The following SCAF8 variants were observed in gnomAD, a reference collection of about 807,000 sequenced individuals.
SCAF8 encodes SR-related and CTD-associated factor 8.
In SCAF8, 23 loss-of-function variants were observed where a neutral mutation model predicts 140.5. That is an observed-to-expected ratio of 0.16 (90% CI 0.12 to 0.23). The LOEUF is 0.23. Ranked by LOEUF, SCAF8 falls within the 10% of genes least tolerant of loss-of-function variation. The pLI is 1.00. For missense variants in SCAF8, 1,397 were observed against 1,555.7 expected (o/e 0.90, Z 1.72); for synonymous variants, 575 against 528.9 (o/e 1.09, Z -1.20).
intron 1 of SCAF8, among the ~76,000 whole-genome samples, chr6:154,749,754 CCTT>C (rs1022518054): frequency 3.3e-5 from 5 of 152,192 alleles, no homozygotes; most frequent in Admixed American, 3.3e-4. Flanking sequence ...CATAGGACCT[CCTT>C]CTAAATCAAA....
At chr6:154,767,399 A>G (rs1306787044) in intron 1 of SCAF8, among the ~76,000 whole-genome samples, 1 of 151,360 alleles carries the variant, frequency 6.6e-6, no homozygotes. Context: ...TCTCCAGAAT[A>G]AGGTACTTTC....
chr6:154,743,293 A>G (rs1477879875), intron 1 of SCAF8, among the ~76,000 whole-genome samples: 1 of 152,194 alleles, frequency 6.6e-6, no homozygotes, highest in Non-Finnish European at 1.5e-5. Context: ...TTTATACAAA[A>G]TTGTCTGTTA....
chr6:154,733,753 T>C lies in SCAF8; in HGVS notation c.-148T>C. 7.4e-7 allele frequency: 1 copy of C among 1,351,384 alleles called. No homozygotes were observed. Among genetic ancestry groups the C allele is most frequent in the East Asian group, 3.1e-5 (1 of 32,224 alleles). 83.7% of individuals were successfully genotyped at this position (1,351,384 alleles called of 1,614,324 possible). A position where few individuals can be genotyped will look rare whatever the true frequency, so the allele number is the denominator to read the frequency against. On this transcript the variant is annotated 5_prime_UTR_variant, in exon 1 of 20. Coordinates refer to ENST00000367178, the MANE Select transcript of SCAF8 (RefSeq NM_014892.5). Reference sequence around the variant, plus strand: ...GCCCTTCCCCGCCAGCGCGTGCCCTTCCACTCCGCCCCGAGGTCGCAGCGG... The same window carrying C: ...GCCCTTCCCCGCCAGCGCGTGCCCTCCCACTCCGCCCCGAGGTCGCAGCGG...
chr6:154,798,144 A>G (rs181952259), intron 6 of SCAF8, among the ~76,000 whole-genome samples: 2 of 151,590 alleles, frequency 1.3e-5, no homozygotes, highest in African/African-American at 4.8e-5. Context: ...CTGGAAGCCT[A>G]AAGTTTAATA....
At chr6:154,785,364 A>G (rs1468421714) in intron 3 of SCAF8, among the ~76,000 whole-genome samples, 2 of 152,216 alleles carry the variant, frequency 1.3e-5, no homozygotes, top group Non-Finnish European at 2.9e-5. Context: ...TAGGAGTGGA[A>G]TTGCTGGTTA....
intron 1 of SCAF8, among the ~76,000 whole-genome samples, chr6:154,761,660 T>C (rs908043799): frequency 6.6e-6 from 1 of 152,216 alleles, no homozygotes; most frequent in Non-Finnish European, 1.5e-5. Context: ...TCTTTAAAAA[T>C]TCTGATCACT....
chr6:154,796,373 CTCTCTCTCTCTCTCTCTCTG>C (rs1777606333), intron 6 of SCAF8, among the ~76,000 whole-genome samples: 1 of 138,852 alleles, frequency 7.2e-6, no homozygotes, highest in African/African-American at 2.9e-5. Context: ...CTCTCTCTCT[CTCTCTCTCTCTCTCTCTCTG>C]TCTCTCTCTT....
chr6:154,755,587 T>A (rs1288254471), intron 1 of SCAF8, among the ~76,000 whole-genome samples: 1 of 152,208 alleles, frequency 6.6e-6, no homozygotes, highest in Non-Finnish European at 1.5e-5. Context: ...ATTGCTTGAA[T>A]CATTTTGTAT....
intron 3 of SCAF8, among the ~76,000 whole-genome samples, chr6:154,779,167 G>A (rs1417100197): frequency 2.6e-5 from 4 of 152,012 alleles, no homozygotes; most frequent in Admixed American, 2.6e-4. Context: ...CCTGTAGCTG[G>A]GATTACAGAC....
chr6:154,789,447 A>G (rs559351275), intron 4 of SCAF8, among the ~76,000 whole-genome samples: 9 of 151,776 alleles, frequency 5.9e-5, no homozygotes, highest in African/African-American at 1.9e-4. Context: ...TTTGTGAACT[A>G]TTCTTGAATA....
intron 1 of SCAF8, among the ~76,000 whole-genome samples, chr6:154,738,676 C>T (rs1272730018): frequency 1.3e-5 from 2 of 152,212 alleles, no homozygotes; most frequent in African/African-American, 4.8e-5. Flanking sequence ...ATTGCAGTTG[C>T]TGCTGCTCTA....
intron 1 of SCAF8, among the ~76,000 whole-genome samples, chr6:154,737,689 G>A (rs1778461046): frequency 6.6e-6 from 1 of 152,026 alleles, no homozygotes; most frequent in African/African-American, 2.4e-5. Context: ...GCAACAGTGC[G>A]ACCCTGAATC....
intron 1 of SCAF8, among the ~76,000 whole-genome samples, chr6:154,765,660 A>G (rs1776542446): frequency 6.7e-6 from 1 of 149,974 alleles, no homozygotes; most frequent in South Asian, 2.1e-4. Context: ...AGTAAGCACC[A>G]AGCTAACTGA....
intron 5 of SCAF8, among the ~76,000 whole-genome samples, chr6:154,794,160 G>A (rs1422023083): frequency 6.6e-6 from 1 of 151,986 alleles, no homozygotes; most frequent in Non-Finnish European, 1.5e-5. Flanking sequence ...GAACTCTAGG[G>A]CCCAAGTAGT....
chr6:154,794,965 T>G, intron 5 of SCAF8, 44 bp from the exon 6 acceptor site: 4 of 1,534,672 alleles, frequency 2.6e-6, no homozygotes, highest in Non-Finnish European at 3.5e-6. Flanking sequence ...TCTTAGTTAC[T>G]TACTTACATA....
chr6:154,733,399 C>G, upstream of SCAF8: 2 of 1,382,740 alleles, frequency 1.4e-6, no homozygotes, highest in Non-Finnish European at 1.9e-6. Context: ...AACTGCGCGG[C>G]CCGACTCGAG....
At chr6:154,809,990 G>C in intron 11 of SCAF8, 25 bp from the exon 12 acceptor site, 1 of 1,561,740 alleles carries the variant, frequency 6.4e-7, no homozygotes, top group Non-Finnish European at 8.7e-7. Context: ...ATTGTCATTA[G>C]AAGTAAAATG....
At chr6:154,812,681 G>A (rs977112523) in intron 12 of SCAF8, among the ~76,000 whole-genome samples, 2 of 152,226 alleles carry the variant, frequency 1.3e-5, no homozygotes, top group Non-Finnish European at 2.9e-5. Flanking sequence ...TAAGGTTTTC[G>A]TGAATAGTCT....
chr6:154,765,546 A>G (rs1339619769), intron 1 of SCAF8, among the ~76,000 whole-genome samples: 1 of 152,234 alleles, frequency 6.6e-6, no homozygotes, highest in Non-Finnish European at 1.5e-5. Flanking sequence ...GTCAGTAGAC[A>G]TTTGAAATGT....
Sources: gnomAD v4.1 joint callset for allele counts (sites outside exome capture counted in the v4.1 genomes callset) on GRCh38, gnomAD v4.1.1 for gene constraint, MANE v1.5 for transcripts, NCBI Gene and HGNC (gene_info 2026-07-23, HGNC 2026-07-21) for gene names.